Variants in MALRD1 observed in about 807,000 individuals in gnomAD.
The protein encoded by MALRD1 is MAM and LDL-receptor class A domain-containing protein 1.
MALRD1 carries 247 observed loss-of-function variants against 242.1 expected under a neutral mutation model. The ratio of observed to expected loss-of-function variants is 1.02; its 90% CI spans 0.92 to 1.13. The LOEUF (loss-of-function observed/expected upper bound fraction) is 1.13. MALRD1 is among the 50% of genes most tolerant of loss of function. MALRD1 has a pLI of 0.00. For synonymous variants in MALRD1, 995 were observed against 866.6 expected (o/e 1.15, Z -2.60); for missense variants, 2,989 against 2,533.1 (o/e 1.18, Z -3.86).
intron 4 of MALRD1, among the ~76,000 whole-genome samples, chr10:19,103,304 G>C (rs1836335314): frequency 6.6e-6 from 1 of 151,786 alleles, no homozygotes; most frequent in Non-Finnish European, 1.5e-5. Context: ...GCTCAAGCCT[G>C]TAATCCCAAC....
intron 24 of MALRD1, among the ~76,000 whole-genome samples, chr10:19,336,626 T>A (rs1843625399): frequency 6.6e-6 from 1 of 152,160 alleles, no homozygotes; most frequent in Non-Finnish European, 1.5e-5. Flanking sequence ...AAAAGACACT[T>A]TTAATAGCCC....
intron 21 of MALRD1, among the ~76,000 whole-genome samples, chr10:19,295,488 C>G (rs926355611): frequency 3.3e-5 from 4 of 121,088 alleles, no homozygotes; most frequent in African/African-American, 1.2e-4. Flanking sequence ...TGTGTGTGTC[C>G]TGTTTGTGCC....
At chr10:19,631,523 C>G (rs1839904696) in intron 36 of MALRD1, among the ~76,000 whole-genome samples, 1 of 152,120 alleles carries the variant, frequency 6.6e-6, no homozygotes, top group Non-Finnish European at 1.5e-5. Context: ...AATGGGATTG[C>G]TGGATCCAAT....
chr10:19,607,963 A>G (rs1838718439), intron 35 of MALRD1, 61 bp downstream of exon 35: 1 of 1,521,504 alleles, frequency 6.6e-7, no homozygotes, highest in African/African-American at 1.4e-5. Flanking sequence ...CTGCAACACA[A>G]TGAAAATATT....
In MALRD1 at chr10:19,294,623, G is replaced by A. The variant is rs141059740; in HGVS notation, c.3419+11442G>A. Among the ~76,000 whole-genome samples, 1,509 of 152,132 alleles carry A rather than the reference G, an allele frequency of 9.9e-3. 44 individuals carry two copies. The highest frequency in any genetic ancestry group is 0.071 in the East Asian group (365 of 5,166). ...TGAAAGAGTGGTCCACTCAGGTAAC[G>A]ACCTGTCAGGACTGTGTGCTTGGTT... On this transcript the variant is annotated intron_variant, in intron 21 of 39. Transcript: ENST00000454679.
At chr10:19,524,346 G>T (rs1453142671) in intron 31 of MALRD1, among the ~76,000 whole-genome samples, 1 of 152,034 alleles carries the variant, frequency 6.6e-6, no homozygotes, top group Non-Finnish European at 1.5e-5. Flanking sequence ...GCGTGGTGGT[G>T]CGTGCCTGTA....
At chr10:19,636,170 A>T (rs927978878) in intron 36 of MALRD1, among the ~76,000 whole-genome samples, 2 of 152,222 alleles carry the variant, frequency 1.3e-5, no homozygotes, top group Non-Finnish European at 2.9e-5. Context: ...TCAGGACAAT[A>T]GGTATCAGAA....
At chr10:19,700,023 C>CAT (rs955836489) in intron 38 of MALRD1, among the ~76,000 whole-genome samples, 1 of 44,810 alleles carries the variant, frequency 2.2e-5, no homozygotes, top group African/African-American at 9.1e-5. Context: ...TTGATTTAGA[C>CAT]ACACACACAC....
At position 19,133,750 on chromosome 10, in the gene MALRD1, C is replaced by T. The variant is rs1022767081; in HGVS notation, c.1111-106C>T. 4 of 432,346 alleles carry T rather than the reference C, an allele frequency of 9.3e-6. No homozygotes were observed. In the East Asian group the frequency reaches 1.1e-4, roughly 12 times the overall value. The allele number at this position is 432,346 out of a possible 1,614,324, so 26.8% of individuals were successfully genotyped here. The stretch of plus-strand genomic sequence containing the variant: ...CTTTAGATTTCCTAGTACTTTATAT[C>T]ATACAGGTAAGGTAATACCTACTAC... On this transcript the variant is annotated intron_variant, in intron 8 of 39. Coordinates refer to ENST00000454679, the MANE Select transcript of MALRD1 (RefSeq NM_001142308.3).
At chr10:19,276,261 T>A (rs2131864492) in intron 19 of MALRD1, among the ~76,000 whole-genome samples, 1 of 151,582 alleles carries the variant, frequency 6.6e-6, no homozygotes, top group African/African-American at 2.4e-5. Flanking sequence ...GACATACAAA[T>A]AAAAAGTTTA....
At chr10:19,315,135 TATGTAAATATAATTTATAG>T (rs1216025365) in intron 21 of MALRD1, among the ~76,000 whole-genome samples, 379 of 138,142 alleles carry the variant, frequency 2.7e-3, no homozygotes, top group Admixed American at 4.0e-3. Flanking sequence ...TTTATAGAAA[TATGTAAATATAATTTATAG>T]AAATATGTAA....
At chr10:19,614,523 A>C (rs1160419583) in intron 35 of MALRD1, among the ~76,000 whole-genome samples, 4 of 151,994 alleles carry the variant, frequency 2.6e-5, no homozygotes, top group African/African-American at 9.7e-5. Flanking sequence ...GTAAAAACAA[A>C]AGGCCTAGGA....
In MALRD1 at chr10:19,331,354, G is replaced by A; in HGVS notation, c.3688-15G>A. Reference sequence around the variant, plus strand: ...CTTGATTGACAGTTTAACTGTAACTGGCTTTTTTTTTTAGATTGTCTTCAG... The same window carrying A: ...CTTGATTGACAGTTTAACTGTAACTAGCTTTTTTTTTTAGATTGTCTTCAG... On this transcript the variant is annotated splice_polypyrimidine_tract_variant and intron_variant, in intron 23 of 39. Coordinates refer to ENST00000454679, the MANE Select transcript of MALRD1 (RefSeq NM_001142308.3). 4 of 1,543,162 alleles carry A rather than the reference G, an allele frequency of 2.6e-6. No homozygotes were observed. Among genetic ancestry groups the A allele is most frequent in the Non-Finnish European group, 3.5e-6 (4 of 1,140,530 alleles).
chr10:19,204,167 T>C, intron 15 of MALRD1, 141 bp from the exon 16 acceptor site: 5 of 672,934 alleles, frequency 7.4e-6, no homozygotes, highest in Non-Finnish European at 1.3e-5. Context: ...CAAATTTGAC[T>C]AAGAGTCACT....
chr10:19,207,060 G>C (rs1588697556), intron 17 of MALRD1, among the ~76,000 whole-genome samples: 2 of 152,158 alleles, frequency 1.3e-5, no homozygotes, highest in East Asian at 3.9e-4. Flanking sequence ...TTCCAAGACA[G>C]ATGATTTATT....
chr10:19,702,935 A>G (rs970255977), intron 38 of MALRD1, among the ~76,000 whole-genome samples: 2 of 152,196 alleles, frequency 1.3e-5, no homozygotes, highest in Non-Finnish European at 2.9e-5. Flanking sequence ...TTTTAAAAAC[A>G]TGGAATGGAG....
At chr10:19,173,015 A>G (rs1407095278) in intron 13 of MALRD1, among the ~76,000 whole-genome samples, 3 of 152,042 alleles carry the variant, frequency 2.0e-5, no homozygotes, top group Non-Finnish European at 2.9e-5. Flanking sequence ...AAAAATTATT[A>G]TGTACATCAC....
chr10:19,315,738 T>G (rs1842673973), intron 21 of MALRD1, among the ~76,000 whole-genome samples: 2 of 139,532 alleles, frequency 1.4e-5, no homozygotes, highest in South Asian at 4.3e-4. Flanking sequence ...TAATGTTATA[T>G]AATATATATC....
chr10:19,097,322 G>A (rs1345733547), intron 4 of MALRD1, among the ~76,000 whole-genome samples: 3 of 152,108 alleles, frequency 2.0e-5, no homozygotes, highest in Non-Finnish European at 4.4e-5. Context: ...AAGCATTACA[G>A]GGGTTTAGAA....
Sources: gnomAD v4.1 joint callset for allele counts (sites outside exome capture counted in the v4.1 genomes callset) on GRCh38, gnomAD v4.1.1 for gene constraint, MANE v1.5 for transcripts, NCBI Gene and HGNC (gene_info 2026-07-23, HGNC 2026-07-21) for gene names.